GPHB5: variants seen among roughly 807,000 people sequenced by gnomAD.
GPHB5 encodes glycoprotein hormone subunit beta 5.
A neutral mutation model predicts 10.1 loss-of-function variants in GPHB5; 7 were observed. That is an observed-to-expected ratio of 0.69 (90% CI 0.39 to 1.30). GPHB5 has a LOEUF of 1.30. Among genes scored for constraint, GPHB5 ranks in the 50% most tolerant of loss-of-function variants. GPHB5 has a pLI of 0.01. For synonymous variants in GPHB5, 68 were observed against 70.1 expected (o/e 0.97, Z 0.15); for missense variants, 161 against 169.8 (o/e 0.95, Z 0.29).
chr14:63,317,594 C>A, intron 2 of GPHB5, 52 bp downstream of exon 2: 1 of 1,553,596 alleles, frequency 6.4e-7, no homozygotes, highest in South Asian at 1.1e-5. Context: ...AAGAATCAGA[C>A]CCAAGCTGCT....
rs138605177 is a variant in GPHB5 at position 63,312,948 on chromosome 14, T to C, written c.373A>G (p.Thr125Ala). 3.1e-5 allele frequency: 48 copies of C among 1,553,308 alleles called. No individual in the cohort carries two copies. In the African/African-American group the frequency reaches 3.8e-4, roughly 12 times the overall value. ...CDCGACSTATTECETI is the reference protein window; with the variant it reads ...CDCGACSTATAECETI ...CGGCCTCAGATGGTCTCACACTCCG[T>C]GGTGGCAGTGGAGCAGGCTCCGCAG... is the stretch of plus-strand genomic sequence containing the variant. The change falls in exon 3 of 3, where the codon ACG becomes GCG. Residue 125 changes from threonine (T) to alanine (A), a missense_variant. Coordinates refer to ENST00000621500, the MANE Select transcript of GPHB5 (RefSeq NM_145171.4).
chr14:63,316,299 G>C (rs781232957), intron 2 of GPHB5, among the ~76,000 whole-genome samples: 2 of 152,178 alleles, frequency 1.3e-5, no homozygotes, highest in Non-Finnish European at 2.9e-5. Flanking sequence ...CAAAGAGAAG[G>C]CTATTTTTCC....
At position 63,312,980 on chromosome 14, in the gene GPHB5, CG is replaced by C. The variant is rs1566639878; in HGVS notation, c.340del (p.Arg114AlafsTer?). 3 of 1,561,452 alleles carry C rather than the reference CG, an allele frequency of 1.9e-6. No homozygotes were observed. The South Asian group carries it at 3.5e-5, about 18-fold the overall frequency. The part of the protein sequence containing the change: ...DPFYTYPVAI[R>X]CDCGACSTAT... ...AGTGGAGCAGGCTCCGCAGTCACAG[CG>C]GATGGCCACGGGATAGGTGTAGAAG... On this transcript the variant is annotated frameshift_variant, in exon 3 of 3. Coordinates refer to ENST00000621500, the MANE Select transcript of GPHB5 (RefSeq NM_145171.4). LOFTEE classifies it high-confidence loss of function.
At chr14:63,313,500 C>A (rs1349921211) in intron 2 of GPHB5, among the ~76,000 whole-genome samples, 1 of 152,192 alleles carries the variant, frequency 6.6e-6, no homozygotes, top group East Asian at 1.9e-4. Flanking sequence ...CCCAAAGCCC[C>A]AGTGATTTCC....
intron 2 of GPHB5, among the ~76,000 whole-genome samples, chr14:63,313,641 C>T (rs137904236): frequency 6.6e-5 from 10 of 152,282 alleles, no homozygotes; most frequent in African/African-American, 1.7e-4. Context: ...AGGCTCACGG[C>T]GGTCTCCTTA....
chr14:63,313,227 T>C, intron 2 of GPHB5, 111 bp from the exon 3 acceptor site: 1 of 1,034,854 alleles, frequency 9.7e-7, no homozygotes. Context: ...TTGATTTACT[T>C]GTTGCTCTGT....
Position 63,313,126 on chromosome 14 carries a change from TAG to T in GPHB5, c.205-12_205-11del. 1 of 1,557,722 alleles carries T rather than the reference TAG, an allele frequency of 6.4e-7. No individual in the cohort carries two copies. The highest frequency in any genetic ancestry group is 8.7e-7 in the Non-Finnish European group (1 of 1,154,270). The stretch of plus-strand genomic sequence containing the variant: ...GTTCCAGAATGGGTTTCTGTCCCCA[TAG>T]ATAGAAAACAGAGAATTCATTAGAA... On this transcript the variant is annotated splice_polypyrimidine_tract_variant and intron_variant, in intron 2 of 2. Coordinates refer to ENST00000621500, the MANE Select transcript of GPHB5 (RefSeq NM_145171.4).
intron 2 of GPHB5, 35 bp downstream of exon 2, chr14:63,317,611 G>A (rs773969274): frequency 6.2e-7 from 1 of 1,602,154 alleles, no homozygotes; most frequent in Non-Finnish European, 8.5e-7. Flanking sequence ...TGCTGGCCTA[G>A]AAGACACTGT....
At position 63,313,098 on chromosome 14, in the gene GPHB5, G is replaced by T. The variant is rs768027520; in HGVS notation, c.223C>A (p.Pro75Thr). ...ACTCGATGATGGGCTTCAATATAGG[G>T]GGGTTCCAGAATGGGTTTCTGTCCC... ...ETWEKPILEPPYIEAHHRVCT... is the reference protein window; with the variant it reads ...ETWEKPILEPTYIEAHHRVCT... Residue 75 changes from proline (P) to threonine (T), a missense_variant, in exon 3 of 3, where the codon CCC (proline) becomes ACC (threonine). By Grantham distance (38) the Pro-to-Thr change is conservative. Transcript: ENST00000621500. The T allele has an allele frequency of 1.9e-5, 31 of 1,599,584 alleles. No individual in the cohort carries two copies. Among genetic ancestry groups the T allele is most frequent in the Non-Finnish European group, 2.4e-5 (28 of 1,173,584 alleles).
At chr14:63,318,614 T>C (rs527887334) in intron 1 of GPHB5, among the ~76,000 whole-genome samples, 1 of 152,220 alleles carries the variant, frequency 6.6e-6, no homozygotes, top group Non-Finnish European at 1.5e-5. Context: ...TTCCCCGTGC[T>C]CTTTCCGGAG....
chr14:63,318,179 G>T (rs1457072686), intron 1 of GPHB5, among the ~76,000 whole-genome samples: 1 of 152,138 alleles, frequency 6.6e-6, no homozygotes, highest in Non-Finnish European at 1.5e-5. Context: ...CATAAAATAT[G>T]AGTAACACCA....
chr14:63,318,257 T>C (rs1456665244), intron 1 of GPHB5, among the ~76,000 whole-genome samples: 1 of 152,204 alleles, frequency 6.6e-6, no homozygotes, highest in Non-Finnish European at 1.5e-5. Context: ...TCCAGGGTAT[T>C]TGGGTGCCAT....
rs775335411 is a variant in GPHB5, at chr14:63,312,980, C to A, written c.341G>T (p.Arg114Leu). Reference protein sequence around the residue: ...DPFYTYPVAIRCDCGACSTAT... With the variant: ...DPFYTYPVAILCDCGACSTAT... Reference sequence around the variant, plus strand: ...AGTGGAGCAGGCTCCGCAGTCACAGCGGATGGCCACGGGATAGGTGTAGAA... The same window carrying A: ...AGTGGAGCAGGCTCCGCAGTCACAGAGGATGGCCACGGGATAGGTGTAGAA... Residue 114 changes from arginine (R) to leucine (L), a missense_variant, in exon 3 of 3, where the codon CGC becomes CTC. Coordinates refer to ENST00000621500, the MANE Select transcript of GPHB5 (RefSeq NM_145171.4). 3.2e-6 allele frequency: 5 copies of A among 1,561,334 alleles called. No homozygotes were observed. Among genetic ancestry groups the A allele is most frequent in the Admixed American group, 1.9e-5 (1 of 51,644 alleles).
chr14:63,314,999 T>A (rs1370191249), intron 2 of GPHB5, among the ~76,000 whole-genome samples: 4 of 149,252 alleles, frequency 2.7e-5, no homozygotes, highest in Non-Finnish European at 4.4e-5. Context: ...ACCTCCTGGG[T>A]TCAAGCAAGT....
At chr14:63,317,509 G>C in intron 2 of GPHB5, 137 bp downstream of exon 2, 3 of 741,656 alleles carry the variant, frequency 4.0e-6, no homozygotes, top group Admixed American at 2.9e-5. Flanking sequence ...TCATAGTTTT[G>C]TTTTGGTTTT....
At chr14:63,317,378 T>C (rs1251998655) in intron 2 of GPHB5, among the ~76,000 whole-genome samples, 2 of 152,174 alleles carry the variant, frequency 1.3e-5, no homozygotes, top group African/African-American at 4.8e-5. Flanking sequence ...ACAGTACATC[T>C]TGACCTCCCA....
rs374446014 is a variant in GPHB5 at position 63,317,662 on chromosome 14, C to T, written c.188G>A (p.Arg63His). 16 of 1,613,858 alleles carry T rather than the reference C, an allele frequency of 9.9e-6. No homozygotes were observed. The highest frequency in any genetic ancestry group is 1.3e-5 in the Non-Finnish European group (15 of 1,179,886). The change falls in exon 2 of 3, where the codon CGC becomes CAC. Residue 63 changes from arginine (R) to histidine (H), a missense_variant. Coordinates refer to ENST00000621500, the MANE Select transcript of GPHB5 (RefSeq NM_145171.4). ...LRITTDACWG[R>H]CETWEKPILE... is the part of the protein sequence containing the mutation. Reference sequence around the variant, plus strand: ...GCAACTCACCTCCCAGGTCTCACAGCGACCCCAGCAGGCATCCGTGGTGAT... The same window carrying T: ...GCAACTCACCTCCCAGGTCTCACAGTGACCCCAGCAGGCATCCGTGGTGAT...
intron 2 of GPHB5, among the ~76,000 whole-genome samples, chr14:63,314,557 C>A (rs1323558421): frequency 6.9e-6 from 1 of 145,492 alleles, no homozygotes; most frequent in African/African-American, 2.6e-5. Context: ...GGACTACAGG[C>A]ACCCACCACC....
Position 63,312,856 on chromosome 14 carries a change from A to C in GPHB5, c.*72T>G. 7.3e-7 allele frequency: 1 copy of C among 1,372,210 alleles called. No individual in the cohort carries two copies. Among genetic ancestry groups the C allele is most frequent in the Non-Finnish European group, 9.8e-7 (1 of 1,024,416 alleles). The allele number at this position is 1,372,210 out of a possible 1,614,324, so 85.0% of individuals were successfully genotyped here. On this transcript the variant is annotated 3_prime_UTR_variant, in exon 3 of 3. Coordinates refer to ENST00000621500, the MANE Select transcript of GPHB5 (RefSeq NM_145171.4). Reference sequence around the variant, plus strand: ...TCCATGGGTGTGGTCGAAATTAAACAGTCTTGCATCCAGGAAGTATAACTG... The same window carrying C: ...TCCATGGGTGTGGTCGAAATTAAACCGTCTTGCATCCAGGAAGTATAACTG...
Sources: gnomAD v4.1 joint callset for allele counts (sites outside exome capture counted in the v4.1 genomes callset) on GRCh38, gnomAD v4.1.1 for gene constraint, MANE v1.5 for transcripts, NCBI Gene and HGNC (gene_info 2026-07-23, HGNC 2026-07-21) for gene names.